The following TNS3 variants were observed in gnomAD, a reference collection of about 807,000 sequenced individuals.
TNS3 encodes the protein tensin-3.
TNS3 carries 45 observed loss-of-function variants against 140.9 expected under a neutral mutation model. That is an observed-to-expected ratio of 0.32 (90% CI 0.25 to 0.41). The LOEUF (loss-of-function observed/expected upper bound fraction) is 0.41, where lower values mean the gene tolerates loss of function less well. TNS3 is among the 10% of genes least tolerant of loss of function. The pLI, the probability that TNS3 is intolerant of heterozygous loss-of-function variation, is 1.00. For missense variants in TNS3, 1,716 were observed against 1,906.7 expected, an observed-to-expected ratio of 0.90 and a Z score of 1.86; for synonymous variants, 815 against 788.4, an observed-to-expected ratio of 1.03 and a Z score of -0.56.
chr7:47,565,380 T>A (rs1309813873), intron 1 of TNS3, among the ~76,000 whole-genome samples: 8 of 150,744 alleles, frequency 5.3e-5, no homozygotes, highest in Admixed American at 5.3e-4. Flanking sequence ...CGGCCTTTTT[T>A]TTTGGAGACA....
chr7:47,514,277 G>C (rs1430630995), intron 2 of TNS3, among the ~76,000 whole-genome samples: 1 of 152,192 alleles, frequency 6.6e-6, no homozygotes, highest in Non-Finnish European at 1.5e-5. Flanking sequence ...TGCCTTGTTA[G>C]TTTTAAATAA....
chr7:47,347,143 T>G (rs900695801), intron 17 of TNS3, among the ~76,000 whole-genome samples: 1 of 152,228 alleles, frequency 6.6e-6, no homozygotes, highest in South Asian at 2.1e-4. Context: ...CCAACAACAC[T>G]GTCCCCTACA....
intron 13 of TNS3, among the ~76,000 whole-genome samples, chr7:47,405,747 G>A (rs1166172957): frequency 6.6e-6 from 1 of 152,152 alleles, no homozygotes; most frequent in Non-Finnish European, 1.5e-5. Flanking sequence ...CAGAGTCTCA[G>A]GAGAACACTT....
At chr7:47,520,367 C>A (rs1452589887) in intron 2 of TNS3, among the ~76,000 whole-genome samples, 3 of 152,158 alleles carry the variant, frequency 2.0e-5, no homozygotes, top group Non-Finnish European at 4.4e-5. Context: ...AATTCCAGAT[C>A]ACAGTTACTG....
At chr7:47,420,525 T>C (rs1794320229) in intron 10 of TNS3, among the ~76,000 whole-genome samples, 1 of 152,086 alleles carries the variant, frequency 6.6e-6, no homozygotes, top group Non-Finnish European at 1.5e-5. Flanking sequence ...TTCCTAAACA[T>C]ACTGCATGTG....
intron 20 of TNS3, among the ~76,000 whole-genome samples, chr7:47,333,009 G>C (rs1788428386): frequency 6.6e-6 from 1 of 152,164 alleles, no homozygotes; most frequent in Admixed American, 6.5e-5. Context: ...GAGCAAACGA[G>C]AACATTCAGC....
chr7:47,532,589 G>C (rs1020871426), intron 1 of TNS3, among the ~76,000 whole-genome samples: 3 of 152,182 alleles, frequency 2.0e-5, no homozygotes, highest in African/African-American at 7.2e-5. Context: ...TGCCTACAGA[G>C]AGGACACTGT....
At chr7:47,396,027 C>A (rs947815422) in intron 16 of TNS3, among the ~76,000 whole-genome samples, 6 of 152,256 alleles carry the variant, frequency 3.9e-5, no homozygotes, top group African/African-American at 9.6e-5. Context: ...CTTTCCACAA[C>A]ACTTGCTTTT....
chr7:47,342,604 A>G (rs1789082855), intron 20 of TNS3, among the ~76,000 whole-genome samples: 2 of 152,260 alleles, frequency 1.3e-5, no homozygotes. Context: ...AAAGTGAAAC[A>G]TCAGCCCTGT....
chr7:47,541,686 C>T lies in TNS3; in HGVS notation c.-264-12539G>A, dbSNP rs185022399. 4.6e-3 allele frequency among the ~76,000 whole-genome samples: 695 copies of T among 152,214 alleles called. 5 individuals are homozygous for T. The highest frequency in any genetic ancestry group is 0.016 in the African/African-American group (662 of 41,524). The stretch of plus-strand genomic sequence containing the variant: ...GACCGAGGCCGGGCGCAGTGACTCA[C>T]GCCTGTAATCCCAGCACTTTGTGAG... On this transcript the variant is annotated intron_variant, in intron 1 of 30. Transcript: ENST00000311160.
intron 1 of TNS3, among the ~76,000 whole-genome samples, chr7:47,573,665 G>A (rs1360970080): frequency 6.6e-6 from 1 of 152,100 alleles, no homozygotes. Context: ...AGAAACACCA[G>A]TTGACTCCAG....
chr7:47,438,897 G>A (rs2151558829), intron 6 of TNS3, among the ~76,000 whole-genome samples: 1 of 152,314 alleles, frequency 6.6e-6, no homozygotes, highest in South Asian at 2.1e-4. Flanking sequence ...ACTGTTGACA[G>A]CAGAAGGAAG....
intron 20 of TNS3, among the ~76,000 whole-genome samples, chr7:47,329,043 A>AT (rs1018334884): frequency 9.2e-5 from 14 of 152,040 alleles, no homozygotes; most frequent in African/African-American, 3.4e-4. Context: ...GTGACCCCAC[A>AT]TTTTTTTCAG....
chr7:47,576,154 C>T (rs925266815), intron 1 of TNS3, among the ~76,000 whole-genome samples: 10 of 152,324 alleles, frequency 6.6e-5, no homozygotes, highest in African/African-American at 2.4e-4. Context: ...ACACAGCTCC[C>T]TCCCAGTGGA....
At chr7:47,527,669 T>G (rs1250795509) in intron 2 of TNS3, among the ~76,000 whole-genome samples, 2 of 152,112 alleles carry the variant, frequency 1.3e-5, no homozygotes, top group African/African-American at 4.8e-5. Flanking sequence ...TCCCAGCACT[T>G]TGGGAGGCTA....
intron 1 of TNS3, among the ~76,000 whole-genome samples, chr7:47,537,375 G>A (rs1345803532): frequency 6.6e-6 from 1 of 152,122 alleles, no homozygotes; most frequent in Non-Finnish European, 1.5e-5. Context: ...GTCCCGCACG[G>A]CGTCCCTCCA....
At chr7:47,342,379 C>A (rs968548747) in intron 20 of TNS3, among the ~76,000 whole-genome samples, 4 of 152,146 alleles carry the variant, frequency 2.6e-5, no homozygotes, top group Admixed American at 2.6e-4. Context: ...CTAAATGATA[C>A]GCAGTTAAGC....
At chr7:47,537,966 A>ACCCCCCCCCCCCC (rs113842617) in intron 1 of TNS3, among the ~76,000 whole-genome samples, 42 of 126,210 alleles carry the variant, frequency 3.3e-4, no homozygotes, top group Admixed American at 4.9e-4. Context: ...CCCTCACCGC[A>ACCCCCCCCCCCCC]CCCCCCCCAC....
At chr7:47,531,764 G>A (rs890407341) in intron 1 of TNS3, among the ~76,000 whole-genome samples, 2 of 152,242 alleles carry the variant, frequency 1.3e-5, no homozygotes, top group Admixed American at 6.5e-5. Flanking sequence ...GGAGCCGGTG[G>A]GAGCTCCACC....
Sources: allele counts gnomAD v4.1 joint callset (sites outside exome capture counted in the v4.1 genomes callset), GRCh38; gene constraint gnomAD v4.1.1; transcripts MANE v1.5; gene names NCBI Gene and HGNC (gene_info 2026-07-23, HGNC 2026-07-21).